TUBGCP2: variants seen among roughly 807,000 people sequenced by gnomAD.
The protein encoded by TUBGCP2 is tubulin gamma complex component 2, also known as gamma-tubulin complex component 2.
Under a neutral mutation model 92.2 loss-of-function variants are expected in TUBGCP2, and 55 were observed. That is an observed-to-expected ratio of 0.60 (90% CI 0.48 to 0.75). TUBGCP2 has a LOEUF of 0.75. TUBGCP2 is among the 30% of genes least tolerant of loss of function. TUBGCP2 has a pLI of 0.00. For synonymous variants in TUBGCP2, 533 were observed against 505.2 expected, an observed-to-expected ratio of 1.06 and a Z score of -0.74; for missense variants, 1,093 against 1,188.9, an observed-to-expected ratio of 0.92 and a Z score of 1.19.
At chr10:133,299,866 G>A (rs933870544) in intron 3 of TUBGCP2, 119 bp downstream of exon 3, 17 of 1,384,384 alleles carry the variant, frequency 1.2e-5, no homozygotes, top group Middle Eastern at 1.9e-4. Flanking sequence ...GCCTAGAAGC[G>A]TTACTGGTGT....
chr10:133,296,485 T>G (rs1057265735), intron 5 of TUBGCP2, among the ~76,000 whole-genome samples: 2 of 151,884 alleles, frequency 1.3e-5, no homozygotes, highest in East Asian at 1.9e-4. Flanking sequence ...CTGCTTTGTT[T>G]TTTTTTTTTT....
At chr10:133,309,240 G>A (rs1439827270), upstream of TUBGCP2, 6 of 1,185,360 alleles carry the variant, frequency 5.1e-6, no homozygotes, top group Admixed American at 6.6e-5. Context: ...GAGGTGGTGG[G>A]GCGGGGCCGG....
chr10:133,301,257 T>C (rs759342852), intron 2 of TUBGCP2, among the ~76,000 whole-genome samples: 4 of 152,076 alleles, frequency 2.6e-5, no homozygotes, highest in African/African-American at 4.8e-5. Context: ...GCCTCCTGAG[T>C]AGCTGCATTA....
intron 4 of TUBGCP2, among the ~76,000 whole-genome samples, chr10:133,298,948 G>A (rs1847559022): frequency 2.0e-5 from 3 of 152,352 alleles, no homozygotes; most frequent in African/African-American, 4.8e-5. Flanking sequence ...GAGAGAGACT[G>A]GGAGATGACT....
chr10:133,297,841 G>A, intron 5 of TUBGCP2, 111 bp downstream of exon 5: 3 of 1,492,556 alleles, frequency 2.0e-6, no homozygotes, highest in Non-Finnish European at 2.7e-6. Flanking sequence ...GGCCTGCAAA[G>A]TGTCCTGCCC....
upstream of TUBGCP2, chr10:133,309,279 TG>T: frequency 7.3e-7 from 1 of 1,368,662 alleles, no homozygotes; most frequent in Non-Finnish European, 9.9e-7. Context: ...CCTGAGGCTG[TG>T]GGGCGGGACC....
intron 2 of TUBGCP2, among the ~76,000 whole-genome samples, chr10:133,300,725 C>G (rs1252306554): frequency 7.0e-6 from 1 of 143,538 alleles, no homozygotes; most frequent in Non-Finnish European, 1.5e-5. Context: ...CATCCACCTG[C>G]CTCGTCCCAA....
intron 2 of TUBGCP2, 112 bp downstream of exon 2, chr10:133,302,680 C>T (rs575953146): frequency 2.1e-6 from 3 of 1,419,902 alleles, no homozygotes; most frequent in Non-Finnish European, 2.9e-6. Flanking sequence ...CCACCCTGAC[C>T]CAGGAACGGC....
intron 13 of TUBGCP2, among the ~76,000 whole-genome samples, chr10:133,284,691 C>T (rs1333613722): frequency 1.3e-5 from 2 of 152,136 alleles, no homozygotes; most frequent in Admixed American, 6.5e-5. Context: ...CTGCCATCGA[C>T]CCCTTTTTTC....
chr10:133,307,926 C>G (rs1199788014), intron 1 of TUBGCP2, among the ~76,000 whole-genome samples: 1 of 152,172 alleles, frequency 6.6e-6, no homozygotes, highest in African/African-American at 2.4e-5. Flanking sequence ...AACTGTAACA[C>G]AGAGATATTT....
chr10:133,298,790 T>C (rs117249997), intron 4 of TUBGCP2, among the ~76,000 whole-genome samples: 2,959 of 152,324 alleles, frequency 0.019, 43 homozygotes, highest in Non-Finnish European at 0.03. Context: ...CCTAGCACCA[T>C]GTCCAGCACA....
At chr10:133,309,512 C>G (rs759151462), upstream of TUBGCP2, 4 of 1,569,004 alleles carry the variant, frequency 2.5e-6, no homozygotes, top group Non-Finnish European at 3.5e-6. Flanking sequence ...CGCCGCCTCC[C>G]TGACCGGTGC....
At chr10:133,310,535 G>A (rs1461803430), upstream of TUBGCP2, 3 of 539,322 alleles carry the variant, frequency 5.6e-6, no homozygotes, top group Non-Finnish European at 1.0e-5. Flanking sequence ...GCAGCAGAGG[G>A]GGTGTGGGAA....
rs772783307 is a variant in TUBGCP2, at chr10:133,293,719, ACAG to A, written c.664_666del (p.Leu222del). 6.2e-7 allele frequency: 1 copy of A among 1,605,188 alleles called. No homozygotes were observed. Among genetic ancestry groups the A allele is most frequent in the Non-Finnish European group, 8.5e-7 (1 of 1,176,776 alleles). ...CTCCCGTCCACGCCCACCAGCACGTACAGCAGGTCCTCCACCACGGCCGACTCC... is the reference window on the plus strand; with the variant it reads ...CTCCCGTCCACGCCCACCAGCACGTACAGGTCCTCCACCACGGCCGACTCC... On this transcript the variant is annotated inframe_deletion, in exon 6 of 18. Coordinates refer to ENST00000252936, the MANE Select transcript of TUBGCP2 (RefSeq NM_006659.4).
Position 133,279,615 on chromosome 10 carries a change from G to T in TUBGCP2, c.*151C>A. The T allele has an allele frequency of 1.6e-6, 2 of 1,219,014 alleles. No homozygotes were observed. Among genetic ancestry groups the T allele is most frequent in the Non-Finnish European group, 2.2e-6 (2 of 928,324 alleles). The allele number at this position is 1,219,014 out of a possible 1,614,324, so 75.5% of individuals were successfully genotyped here. On this transcript the variant is annotated 3_prime_UTR_variant, in exon 18 of 18. Transcript: ENST00000252936. ...CAGCTTCTATAAAACGAAACCCAGC[G>T]CCTTGAGAAACAAAGTGAGCTGAGT... is the stretch of plus-strand genomic sequence containing the variant.
chr10:133,285,210 T>C lies in TUBGCP2; in HGVS notation c.1899A>G (p.Lys633=). ...KWPLSLIINR[K]ALTRYQMLFR... is the part of the protein sequence containing the mutation. ...AGAGCATCTGGTAGCGAGTGAGGGC[T>C]TTCCTGCAAGAGACGTGGCGGCACC... The change falls in exon 13 of 18, where the codon AAA becomes AAG. Residue 633 remains lysine, a synonymous_variant. Transcript: ENST00000252936. The surrounding 1 kb of genome is among the most constrained non-coding windows in gnomAD (Gnocchi z 6.8). 1 of 1,612,278 alleles carries C rather than the reference T, an allele frequency of 6.2e-7. No homozygotes were observed. Among genetic ancestry groups the C allele is most frequent in the Non-Finnish European group, 8.5e-7 (1 of 1,179,988 alleles).
At chr10:133,312,076 C>T, upstream of TUBGCP2, 1 of 1,459,080 alleles carries the variant, frequency 6.9e-7, no homozygotes, top group Non-Finnish European at 9.0e-7. Flanking sequence ...CCAAGCACCA[C>T]TCACTTTTCC....
rs778378438 is a variant in TUBGCP2, at chr10:133,281,362, G to A, written c.2484C>T (p.Asn828=). The change falls in exon 17 of 18, where the codon AAC becomes AAT. Residue 828 remains asparagine, a synonymous_variant. Coordinates refer to ENST00000252936, the MANE Select transcript of TUBGCP2 (RefSeq NM_006659.4). The stretch of plus-strand genomic sequence containing the variant: ...GGAGGTCCAGCAGGTGGGCTGAGAA[G>A]TTCTTGTCAAACTTGTTGATGGTGG... The part of the protein sequence containing the change: ...FEATINKFDK[N]FSAHLLDLLA... The A allele has an allele frequency of 1.2e-6, 2 of 1,613,940 alleles. No individual in the cohort carries two copies. The highest frequency in any genetic ancestry group is 1.7e-5 in the Admixed American group (1 of 60,024).
rs533685564 is a variant in TUBGCP2 at position 133,284,055 on chromosome 10, G to A, written c.2025-53C>T. 4.6e-5 allele frequency: 73 copies of A among 1,594,542 alleles called. No individual in the cohort carries two copies. The East Asian group carries it at 1.4e-3, about 30-fold the overall frequency. ...CCATGGAGGACGCGGCCCCGACAGC[G>A]CCCACCAAGTGACACGGAGGACGGA... On this transcript the variant is annotated intron_variant, in intron 13 of 17. Coordinates refer to ENST00000252936, the MANE Select transcript of TUBGCP2 (RefSeq NM_006659.4).
Sources: allele counts gnomAD v4.1 joint callset (sites outside exome capture counted in the v4.1 genomes callset), GRCh38; gene constraint gnomAD v4.1.1; non-coding constraint Gnocchi (gnomAD v3.1); transcripts MANE v1.5; gene names NCBI Gene and HGNC (gene_info 2026-07-23, HGNC 2026-07-21).